SMYD4: variants seen among roughly 807,000 people sequenced by gnomAD.
SMYD4 encodes SET and MYND domain containing 4, also known as protein-lysine N-methyltransferase SMYD4.
Under a neutral mutation model 72.8 loss-of-function variants are expected in SMYD4, and 68 were observed. That is an observed-to-expected ratio of 0.93 (90% CI 0.77 to 1.14). SMYD4 has a LOEUF of 1.14. Ranked by LOEUF, SMYD4 falls within the 50% of genes most tolerant of loss-of-function variation. The pLI, the probability that SMYD4 is intolerant of heterozygous loss-of-function variation, is 0.00. For missense variants in SMYD4, 984 were observed against 1,003.7 expected (o/e 0.98, Z 0.27); for synonymous variants, 407 against 388.6 (o/e 1.05, Z -0.56).
chr17:1,825,511 C>CTTT (rs58470302), intron 2 of SMYD4, among the ~76,000 whole-genome samples: 1 of 107,822 alleles, frequency 9.3e-6, no homozygotes, highest in Admixed American at 9.6e-5. Context: ...CATTTTCTTT[C>CTTT]TTTTTTTTTT....
In SMYD4 at chr17:1,828,010, T is replaced by A; in HGVS notation, c.-12-4A>T. The stretch of plus-strand genomic sequence containing the variant: ...GCAGATCCATGCTGCTTTTGATCTA[T>A]AAAATGAGTAAGAAAATAGGAATCT... On this transcript the variant is annotated splice_region_variant and splice_polypyrimidine_tract_variant and intron_variant, in intron 1 of 10. Transcript: ENST00000305513. 1 of 1,595,780 alleles carries A rather than the reference T, an allele frequency of 6.3e-7. No homozygotes were observed. Among genetic ancestry groups the A allele is most frequent in the South Asian group, 1.1e-5 (1 of 90,318 alleles).
At chr17:1,811,719 T>C (rs2151245253) in intron 3 of SMYD4, among the ~76,000 whole-genome samples, 3 of 152,034 alleles carry the variant, frequency 2.0e-5, no homozygotes, top group Middle Eastern at 6.8e-3. Context: ...CTGAGGTCAG[T>C]AGTTTGAGAC....
At chr17:1,817,858 T>A (rs1910696461) in intron 2 of SMYD4, among the ~76,000 whole-genome samples, 1 of 151,694 alleles carries the variant, frequency 6.6e-6, no homozygotes, top group Non-Finnish European at 1.5e-5. Context: ...CCATCCTGGC[T>A]AACATGGTGA....
At chr17:1,807,773 G>A (rs898124421) in intron 3 of SMYD4, among the ~76,000 whole-genome samples, 2 of 152,146 alleles carry the variant, frequency 1.3e-5, no homozygotes, top group African/African-American at 2.4e-5. Context: ...GTAAAAACAC[G>A]GTGTGTGTGC....
chr17:1,789,260 C>T (rs1018347658), intron 5 of SMYD4, among the ~76,000 whole-genome samples: 16 of 151,964 alleles, frequency 1.1e-4, no homozygotes, highest in African/African-American at 3.6e-4. Flanking sequence ...TGGTGGCATG[C>T]GCCTGTAGTC....
chr17:1,800,988 C>T lies in SMYD4; in HGVS notation c.406G>A (p.Gly136Arg). 6.2e-7 allele frequency: 1 copy of T among 1,613,710 alleles called. No individual in the cohort carries two copies. Among genetic ancestry groups the T allele is most frequent in the Non-Finnish European group, 8.5e-7 (1 of 1,179,640 alleles). ...TTGGGTTGCAACCTTTCTGGATACC[C>T]ATGTGTCTGTGCTCTGTTAATGTCT... ...LKDINRAQTH[G>R]YPERLQPKIM... is the part of the protein sequence containing the mutation. The change falls in exon 5 of 11, where the codon GGG becomes AGG. Residue 136 changes from glycine to arginine, a missense_variant. Physicochemically the swap from Gly to Arg is moderately radical, Grantham distance 125. Transcript: ENST00000305513.
At position 1,804,851 on chromosome 17, in the gene SMYD4, T is replaced by G. The variant is rs1452717631; in HGVS notation, c.280-136A>C. On this transcript the variant is annotated intron_variant, in intron 3 of 10. Transcript: ENST00000305513. ...TACTGAACCTCTTTGTGCTTCAGCT[T>G]ATCTTTTAACTACCTGAGAGCAAAG... The G allele has an allele frequency of 3.8e-6, 3 of 785,912 alleles. No homozygotes were observed. The African/African-American group carries it at 5.2e-5, about 14-fold the overall frequency. The allele number at this position is 785,912 out of a possible 1,614,324, so 48.7% of individuals were successfully genotyped here.
In SMYD4 at chr17:1,800,169, T is replaced by A. The variant is rs149939117; in HGVS notation, c.1225A>T (p.Ile409Phe). The change falls in exon 5 of 11, where the codon ATT becomes TTT. Residue 409 changes from isoleucine to phenylalanine, a missense_variant. Physicochemically the swap from Ile to Phe is conservative, Grantham distance 21. Coordinates refer to ENST00000305513, the MANE Select transcript of SMYD4 (RefSeq NM_052928.3). ...EKNGNIVETPIPGCDINGKYE... is the reference protein window; with the variant it reads ...EKNGNIVETPFPGCDINGKYE... ...TTCCCATTAATATCGCATCCAGGAATTGGGGTCTCAACGATGTTGCCATTT... is the reference window on the plus strand; with the variant it reads ...TTCCCATTAATATCGCATCCAGGAAATGGGGTCTCAACGATGTTGCCATTT... 41 of 1,611,010 alleles carry A rather than the reference T, an allele frequency of 2.5e-5. No homozygotes were observed. The East Asian group carries it at 4.9e-4, about 19-fold the overall frequency.
chr17:1,794,081 G>GTATATA (rs1226883815), intron 5 of SMYD4, among the ~76,000 whole-genome samples: 219 of 17,046 alleles, frequency 0.013, 5 homozygotes, highest in Non-Finnish European at 0.017. Flanking sequence ...ATATATATGT[G>GTATATA]TATATATATA....
At chr17:1,805,065 T>C (rs988776706) in intron 3 of SMYD4, among the ~76,000 whole-genome samples, 2 of 152,102 alleles carry the variant, frequency 1.3e-5, no homozygotes, top group East Asian at 1.9e-4. Context: ...CAAATAGTTA[T>C]AGAAAACAAA....
chr17:1,811,928 G>T (rs565515904), intron 3 of SMYD4, 43 bp downstream of exon 3: 1 of 1,601,054 alleles, frequency 6.2e-7, no homozygotes, highest in East Asian at 2.2e-5. Context: ...TTCTGTCTCA[G>T]AGAAAAATAA....
intron 7 of SMYD4, among the ~76,000 whole-genome samples, chr17:1,785,250 C>T (rs1321253290): frequency 1.2e-4 from 17 of 143,642 alleles, no homozygotes; most frequent in African/African-American, 3.6e-4. Flanking sequence ...GGTGAAACCC[C>T]GTCTCTACTA....
intron 5 of SMYD4, among the ~76,000 whole-genome samples, chr17:1,792,598 G>A (rs928912637): frequency 1.3e-5 from 2 of 151,548 alleles, no homozygotes; most frequent in African/African-American, 2.4e-5. Context: ...CTGAGATCAC[G>A]CCGCTGCACT....
chr17:1,804,559 A>C, intron 4 of SMYD4, 67 bp downstream of exon 4: 1 of 1,329,130 alleles, frequency 7.5e-7, no homozygotes, highest in South Asian at 1.2e-5. Flanking sequence ...GCAGAGATGA[A>C]GGTCTAGTCC....
At chr17:1,821,242 AG>A (rs1436474477) in intron 2 of SMYD4, among the ~76,000 whole-genome samples, 5 of 152,120 alleles carry the variant, frequency 3.3e-5, no homozygotes, top group African/African-American at 1.2e-4. Flanking sequence ...AGGCCGGGCA[AG>A]GGGGTTCACG....
intron 2 of SMYD4, among the ~76,000 whole-genome samples, chr17:1,815,657 T>TAA (rs75794837): frequency 8.8e-5 from 12 of 136,750 alleles, no homozygotes; most frequent in Non-Finnish European, 1.4e-4. Flanking sequence ...GACCCTGCCT[T>TAA]AAAAAAAAAA....
At chr17:1,793,995 GTATATATATATGTA>G (rs1567770635) in intron 5 of SMYD4, among the ~76,000 whole-genome samples, 1 of 91,620 alleles carries the variant, frequency 1.1e-5, no homozygotes, top group East Asian at 2.8e-4. Flanking sequence ...TAATTTTTGT[GTATATATATATGTA>G]TATATATATA....
intron 2 of SMYD4, among the ~76,000 whole-genome samples, chr17:1,826,255 G>A (rs1035168548): frequency 1.3e-5 from 2 of 152,120 alleles, no homozygotes; most frequent in African/African-American, 4.8e-5. Flanking sequence ...CACTTTGGGA[G>A]GCCAAGGCGG....
At chr17:1,805,404 CACAA>C (rs1317274652) in intron 3 of SMYD4, among the ~76,000 whole-genome samples, 4 of 152,010 alleles carry the variant, frequency 2.6e-5, no homozygotes, top group Non-Finnish European at 5.9e-5. Flanking sequence ...GTTGGACTGT[CACAA>C]ACAAACAAAA....
Sources: allele counts gnomAD v4.1 joint callset (sites outside exome capture counted in the v4.1 genomes callset), GRCh38; gene constraint gnomAD v4.1.1; transcripts MANE v1.5; gene names NCBI Gene and HGNC (gene_info 2026-07-23, HGNC 2026-07-21).